EDIL3: variants seen among roughly 807,000 people sequenced by gnomAD.
EDIL3 encodes EGF-like repeat and discoidin I-like domain-containing protein 3.
In EDIL3, 37 loss-of-function variants were observed where a neutral mutation model predicts 67.4. The ratio of observed to expected loss-of-function variants is 0.55; its 90% CI spans 0.42 to 0.72. The LOEUF is 0.72. EDIL3 is among the 30% of genes least tolerant of loss of function. The probability of loss-of-function intolerance (pLI) is 0.00; values close to 1 mark genes in which losing one functional copy is unlikely to be tolerated. For missense variants in EDIL3, 527 were observed against 586.3 expected (o/e 0.90, Z 1.04); for synonymous variants, 195 against 196.3 (o/e 0.99, Z 0.05).
At chr5:84,190,306 C>G (rs1351696567) in intron 3 of EDIL3, among the ~76,000 whole-genome samples, 1 of 151,762 alleles carries the variant, frequency 6.6e-6, no homozygotes, top group Non-Finnish European at 1.5e-5. Flanking sequence ...GATCAGGGAG[C>G]TATTTCCAAA....
At chr5:84,103,279 T>C (rs904347869) in intron 6 of EDIL3, among the ~76,000 whole-genome samples, 1 of 151,984 alleles carries the variant, frequency 6.6e-6, no homozygotes, top group African/African-American at 2.4e-5. Flanking sequence ...AAAGACAACC[T>C]AGGCAATACC....
chr5:84,345,914 C>T (rs1747228186), intron 1 of EDIL3, among the ~76,000 whole-genome samples: 1 of 152,050 alleles, frequency 6.6e-6, no homozygotes, highest in Admixed American at 6.6e-5. Context: ...CTCAGTAGAT[C>T]CCTATGAAAA....
rs546988448 is a variant in EDIL3, at chr5:83,968,840, G to C, written c.1138-5480C>G. On this transcript the variant is annotated intron_variant, in intron 9 of 10. Transcript: ENST00000296591. ...GCACGTTTTTCACTGAGAATGGGAG[G>C]TAACATGATAATTATGAATATTTTA... is the stretch of plus-strand genomic sequence containing the variant. Among the ~76,000 whole-genome samples, 26 of 151,840 alleles carry C rather than the reference G, an allele frequency of 1.7e-4. No individual in the cohort carries two copies. In the East Asian group the frequency reaches 4.3e-3, roughly 25 times the overall value.
chr5:84,039,002 A>G (rs1451189826), intron 9 of EDIL3, among the ~76,000 whole-genome samples: 1 of 152,042 alleles, frequency 6.6e-6, no homozygotes, highest in African/African-American at 2.4e-5. Flanking sequence ...CATTTACTAT[A>G]TTTCTCAGAT....
intron 4 of EDIL3, among the ~76,000 whole-genome samples, chr5:84,178,668 C>T (rs1748962570): frequency 6.6e-6 from 1 of 152,190 alleles, no homozygotes; most frequent in South Asian, 2.1e-4. Context: ...ATGACTGACT[C>T]AGGGTCACTT....
chr5:84,278,959 C>A (rs1409517304), intron 1 of EDIL3, among the ~76,000 whole-genome samples: 1 of 152,084 alleles, frequency 6.6e-6, no homozygotes, highest in East Asian at 1.9e-4. Context: ...TTTTCACCAC[C>A]CCCTCCCCTA....
chr5:84,239,576 C>T (rs1259919111), intron 2 of EDIL3, among the ~76,000 whole-genome samples: 1 of 152,164 alleles, frequency 6.6e-6, no homozygotes, highest in Non-Finnish European at 1.5e-5. Context: ...GAACCTTCAG[C>T]TACATCTTAT....
intron 10 of EDIL3, among the ~76,000 whole-genome samples, chr5:83,946,761 G>GCA (rs1744318760): frequency 6.6e-6 from 1 of 151,814 alleles, no homozygotes; most frequent in African/African-American, 2.4e-5. Flanking sequence ...GAGAGGTGGG[G>GCA]CATATTTCAG....
intron 9 of EDIL3, among the ~76,000 whole-genome samples, chr5:83,998,977 T>C (rs1745280916): frequency 6.6e-6 from 1 of 152,062 alleles, no homozygotes; most frequent in Non-Finnish European, 1.5e-5. Context: ...GGGAAGAGAA[T>C]AAGAGATTGC....
intron 10 of EDIL3, among the ~76,000 whole-genome samples, chr5:83,960,270 C>T (rs922683808): frequency 2.0e-5 from 3 of 151,188 alleles, no homozygotes; most frequent in African/African-American, 4.8e-5. Flanking sequence ...TTACATTATA[C>T]GAATAATAGT....
chr5:84,150,752 G>T lies in EDIL3; in HGVS notation c.356-13398C>A, dbSNP rs117983355. On this transcript the variant is annotated intron_variant, in intron 4 of 10. Coordinates refer to ENST00000296591, the MANE Select transcript of EDIL3 (RefSeq NM_005711.5). ...ATACTTAAACACATGTCTACCATAT[G>T]ATTCAGCCATTCTACTCCTACATAT... is the stretch of plus-strand genomic sequence containing the variant. 8.5e-5 allele frequency among the ~76,000 whole-genome samples: 13 copies of T among 152,248 alleles called. No individual in the cohort carries two copies. The East Asian group carries it at 2.5e-3, about 29-fold the overall frequency.
At chr5:84,102,543 C>A (rs1456858578) in intron 6 of EDIL3, among the ~76,000 whole-genome samples, 1 of 151,634 alleles carries the variant, frequency 6.6e-6, no homozygotes, top group Non-Finnish European at 1.5e-5. Flanking sequence ...ACTGGCATTC[C>A]TATATAGCAA....
At chr5:83,958,761 T>G (rs1744557702) in intron 10 of EDIL3, among the ~76,000 whole-genome samples, 1 of 151,496 alleles carries the variant, frequency 6.6e-6, no homozygotes, top group African/African-American at 2.4e-5. Flanking sequence ...TGAAAGTGTT[T>G]GTCAAGTTTT....
At chr5:84,365,548 A>G (rs1747711168) in intron 1 of EDIL3, among the ~76,000 whole-genome samples, 1 of 152,168 alleles carries the variant, frequency 6.6e-6, no homozygotes, top group Non-Finnish European at 1.5e-5. Context: ...GGAAAGAGTA[A>G]AAAGAAAGCA....
At chr5:84,276,606 T>C (rs1427862470) in intron 1 of EDIL3, among the ~76,000 whole-genome samples, 2 of 152,156 alleles carry the variant, frequency 1.3e-5, no homozygotes, top group Non-Finnish European at 2.9e-5. Context: ...TCTTGCTCTG[T>C]CACCCAAGCT....
chr5:84,145,299 A>G (rs1479272152), intron 4 of EDIL3, among the ~76,000 whole-genome samples: 1 of 152,102 alleles, frequency 6.6e-6, no homozygotes, highest in Non-Finnish European at 1.5e-5. Context: ...TTAAATTAGG[A>G]AGAAACACAA....
Position 84,254,134 on chromosome 5 carries a change from T to A in EDIL3, c.146A>T (p.Glu49Val). 1 of 1,613,096 alleles carries A rather than the reference T, an allele frequency of 6.2e-7. No individual in the cohort carries two copies. The change falls in exon 2 of 11, where the codon GAG becomes GTG. Residue 49 changes from glutamate (E) to valine (V), a missense_variant. Glu to Val is a moderately radical substitution (Grantham distance 121). Transcript: ENST00000296591. ...GGGGTCTGTGAAGCCATCTGGACAC[T>A]CACAGGAAAAGGAACCATCAGCCAA... ...PGLADGSFSC[E>V]CPDGFTDPNC...
At chr5:84,166,305 C>T (rs1748702318) in intron 4 of EDIL3, among the ~76,000 whole-genome samples, 1 of 152,092 alleles carries the variant, frequency 6.6e-6, no homozygotes, top group Admixed American at 6.6e-5. Flanking sequence ...ATTTTATAAG[C>T]TCTTAAAGAC....
Position 84,209,259 on chromosome 5 carries a change from C to T in EDIL3, c.226+20596G>A, listed in dbSNP as rs551738873. On this transcript the variant is annotated intron_variant, in intron 3 of 10. Transcript: ENST00000296591. ...GGGAGAGGGGAGGGATAGCATTAGG[C>T]GATACACCTAATGCTAAATGACGAG... Among the ~76,000 whole-genome samples, 272 of 151,804 alleles carry T rather than the reference C, an allele frequency of 1.8e-3. 2 individuals are homozygous for T. The highest frequency in any genetic ancestry group is 6.3e-3 in the African/African-American group (259 of 41,326).
Sources: gnomAD v4.1 joint callset for allele counts (sites outside exome capture counted in the v4.1 genomes callset) on GRCh38, gnomAD v4.1.1 for gene constraint, MANE v1.5 for transcripts, NCBI Gene and HGNC (gene_info 2026-07-23, HGNC 2026-07-21) for gene names.